The following TAF15 variants were observed in gnomAD, a reference collection of about 807,000 sequenced individuals.
The protein encoded by TAF15 is TATA-box binding protein associated factor 15.
A neutral mutation model predicts 102.5 loss-of-function variants in TAF15; 37 were observed. The ratio of observed to expected loss-of-function variants is 0.36; its 90% CI spans 0.28 to 0.47. The LOEUF is 0.47. TAF15 is among the 20% of genes least tolerant of loss of function. TAF15 has a pLI of 0.99. For missense variants in TAF15, 652 were observed against 760.7 expected (o/e 0.86, Z 1.68); for synonymous variants, 273 against 259.2 (o/e 1.05, Z -0.51).
At chr17:35,819,379 CA>C (rs1247044993) in intron 2 of TAF15, among the ~76,000 whole-genome samples, 4 of 152,108 alleles carry the variant, frequency 2.6e-5, no homozygotes, top group Non-Finnish European at 4.4e-5. Flanking sequence ...AATTAATATT[CA>C]AATCCCAGGA....
chr17:35,844,855 G>C lies in TAF15; in HGVS notation c.1556G>C (p.Arg519Pro), dbSNP rs754618156. ...GGDRGGYGGD[R>P]GGYGGDRSRG... ...GATCGAGGAGGTTATGGAGGAGATC[G>C]AGGAGGCTATGGAGGAGACAGAAGC... Residue 519 changes from arginine to proline, a missense_variant, in exon 15 of 16, where the codon CGA (arginine) becomes CCA (proline). By Grantham distance (103) the Arg-to-Pro change is moderately radical. Coordinates refer to ENST00000605844, the MANE Select transcript of TAF15 (RefSeq NM_139215.3). The C allele has an allele frequency of 6.2e-7, 1 of 1,606,270 alleles. No homozygotes were observed. Among genetic ancestry groups the C allele is most frequent in the Non-Finnish European group, 8.5e-7 (1 of 1,173,996 alleles).
intron 7 of TAF15, 145 bp from the exon 8 acceptor site, chr17:35,833,762 C>A: frequency 1.3e-6 from 1 of 750,154 alleles, no homozygotes; most frequent in Non-Finnish European, 2.3e-6. Flanking sequence ...ATTTAGAACT[C>A]TGTGAAATGG....
rs995225316 is a variant in TAF15 at position 35,809,509 on chromosome 17, C to G, written c.-61C>G. ...AGTACAGCTCCGGCCGCCGCGCCGCCTGGCTTTCGTATTCGTTGTTCTCGG... is the reference window on the plus strand; with the variant it reads ...AGTACAGCTCCGGCCGCCGCGCCGCGTGGCTTTCGTATTCGTTGTTCTCGG... On this transcript the variant is annotated 5_prime_UTR_variant, in exon 1 of 16. Transcript: ENST00000605844. The G allele has an allele frequency of 6.2e-6, 10 of 1,610,868 alleles. No homozygotes were observed. The highest frequency in any genetic ancestry group is 4.0e-5 in the African/African-American group (3 of 74,880).
chr17:35,809,684 G>GA, intron 1 of TAF15, 108 bp downstream of exon 1: 1 of 1,513,320 alleles, frequency 6.6e-7, no homozygotes, highest in Non-Finnish European at 9.1e-7. Context: ...CGGCCCTGAG[G>GA]GAGGCTTGGG....
At position 35,825,949 on chromosome 17, in the gene TAF15, G is replaced by A. The variant is rs548830017; in HGVS notation, c.605+1751G>A. Among the ~76,000 whole-genome samples the A allele has an allele frequency of 9.1e-4, 134 of 146,548 alleles. 3 individuals carry two copies. In the South Asian group the frequency reaches 0.027, roughly 30 times the overall value. Reference sequence around the variant, plus strand: ...AGCCTGGGCGACAGAGCAAGACTTCGTCTCAAAAAAAAAAACATTAAAAAA... The same window carrying A: ...AGCCTGGGCGACAGAGCAAGACTTCATCTCAAAAAAAAAAACATTAAAAAA... On this transcript the variant is annotated intron_variant, in intron 7 of 15. Coordinates refer to ENST00000605844, the MANE Select transcript of TAF15 (RefSeq NM_139215.3).
intron 15 of TAF15, among the ~76,000 whole-genome samples, chr17:35,845,372 A>G (rs546166756): frequency 6.6e-6 from 1 of 152,282 alleles, no homozygotes; most frequent in Admixed American, 6.5e-5. Context: ...CTCCTGCCTC[A>G]GTCTCCCAAG....
In TAF15 at chr17:35,809,534, G is replaced by C; in HGVS notation, c.-36G>C. On this transcript the variant is annotated 5_prime_UTR_variant, in exon 1 of 16. Coordinates refer to ENST00000605844, the MANE Select transcript of TAF15 (RefSeq NM_139215.3). ...CTGGCTTTCGTATTCGTTGTTCTCG[G>C]CGGGCTGTGGGGCCTCCGCGCCGCG... 6.2e-7 allele frequency: 1 copy of C among 1,612,734 alleles called. No individual in the cohort carries two copies.
chr17:35,821,572 A>C (rs902824266), intron 5 of TAF15, among the ~76,000 whole-genome samples: 4 of 152,130 alleles, frequency 2.6e-5, no homozygotes, highest in African/African-American at 9.7e-5. Flanking sequence ...GTAAACTATT[A>C]AGTTATGAGA....
At chr17:35,826,380 CTG>C (rs949167278) in intron 7 of TAF15, among the ~76,000 whole-genome samples, 1 of 152,040 alleles carries the variant, frequency 6.6e-6, no homozygotes, top group African/African-American at 2.4e-5. Context: ...AGTTGGCAAG[CTG>C]TGTGAAAGGC....
chr17:35,831,512 G>T (rs958081741), intron 7 of TAF15, among the ~76,000 whole-genome samples: 2 of 152,032 alleles, frequency 1.3e-5, no homozygotes, highest in East Asian at 1.9e-4. Flanking sequence ...TTTGCCAGGG[G>T]TATGTCCTTT....
At chr17:35,824,317 A>T in intron 7 of TAF15, 119 bp downstream of exon 7, 1 of 1,337,620 alleles carries the variant, frequency 7.5e-7, no homozygotes, top group Admixed American at 2.4e-5. Flanking sequence ...TTAAAAAGGG[A>T]TTATATATTG....
chr17:35,822,423 C>T (rs2087272388), intron 5 of TAF15, among the ~76,000 whole-genome samples: 2 of 151,400 alleles, frequency 1.3e-5, no homozygotes, highest in Non-Finnish European at 2.9e-5. Context: ...TTCAAAGATA[C>T]ATTTTTTTTC....
chr17:35,812,523 TGTG>T (rs1409923155), intron 1 of TAF15, among the ~76,000 whole-genome samples: 2 of 145,206 alleles, frequency 1.4e-5, no homozygotes, highest in Non-Finnish European at 3.0e-5. Flanking sequence ...AGGCGGAGGT[TGTG>T]GTGAGCCGAG....
chr17:35,833,859 C>T lies in TAF15; in HGVS notation c.606-48C>T, dbSNP rs1374536457. The stretch of plus-strand genomic sequence containing the variant: ...TGTAGATTGAGCCCAGGGCTCAGCA[C>T]ATTAGAGACTTAAGGAAGAAATCAT... On this transcript the variant is annotated intron_variant, in intron 7 of 15. Coordinates refer to ENST00000605844, the MANE Select transcript of TAF15 (RefSeq NM_139215.3). 8 of 1,600,000 alleles carry T rather than the reference C, an allele frequency of 5.0e-6. No homozygotes were observed. The South Asian group carries it at 7.7e-5, about 15-fold the overall frequency.
chr17:35,836,382 C>T (rs1365729717), intron 10 of TAF15, 141 bp downstream of exon 10: 8 of 643,652 alleles, frequency 1.2e-5, no homozygotes, highest in South Asian at 5.7e-5. Context: ...TGTCTGTAGA[C>T]GTTTGCTAAA....
In TAF15 at chr17:35,844,717, G is replaced by A. The variant is rs777993379; in HGVS notation, c.1418G>A (p.Gly473Glu). The A allele has an allele frequency of 9.1e-5, 145 of 1,599,488 alleles. No homozygotes were observed. Among genetic ancestry groups the A allele is most frequent in the Non-Finnish European group, 1.1e-4 (132 of 1,172,484 alleles). Residue 473 changes from glycine to glutamate, a missense_variant, in exon 15 of 16, where the codon GGA (glycine) becomes GAA (glutamate). Physicochemically the swap from Gly to Glu is moderately conservative, Grantham distance 98. Around this residue, in one of 3 missense-constraint regions of TAF15, gnomAD observed 368 missense variants for 367.5 expected, o/e 1.00. Transcript: ENST00000605844. ...GGGGACAGAGGAGGCGGCTATGGAG[G>A]AGACCGAGGAGGTGGCTATGGAGGA... ...YGGDRGGGYG[G>E]DRGGGYGGDR...
At position 35,809,529 on chromosome 17, in the gene TAF15, T is replaced by A; in HGVS notation, c.-41T>A. The A allele has an allele frequency of 6.2e-7, 1 of 1,612,526 alleles. No individual in the cohort carries two copies. The highest frequency in any genetic ancestry group is 8.5e-7 in the Non-Finnish European group (1 of 1,179,656). On this transcript the variant is annotated 5_prime_UTR_variant, in exon 1 of 16. Transcript: ENST00000605844. ...GCCGCCTGGCTTTCGTATTCGTTGTTCTCGGCGGGCTGTGGGGCCTCCGCG... is the reference window on the plus strand; with the variant it reads ...GCCGCCTGGCTTTCGTATTCGTTGTACTCGGCGGGCTGTGGGGCCTCCGCG...
intron 10 of TAF15, among the ~76,000 whole-genome samples, chr17:35,836,784 C>G (rs1568272074): frequency 5.5e-5 from 8 of 145,806 alleles, no homozygotes. Flanking sequence ...TGGAATTACT[C>G]TTTTTTTTTT....
chr17:35,824,021 A>T, intron 6 of TAF15, 57 bp from the exon 7 acceptor site: 1 of 1,612,308 alleles, frequency 6.2e-7, no homozygotes, highest in Non-Finnish European at 8.5e-7. Context: ...TAACATTGTT[A>T]TTTGAAGCTT....
Sources: allele counts gnomAD v4.1 joint callset (sites outside exome capture counted in the v4.1 genomes callset), GRCh38; gene constraint gnomAD v4.1.1; regional missense constraint gnomAD v4.1.1; transcripts MANE v1.5; gene names NCBI Gene and HGNC (gene_info 2026-07-23, HGNC 2026-07-21).